SPATA13: variants seen among roughly 807,000 people sequenced by gnomAD.
The protein encoded by SPATA13 is spermatogenesis-associated protein 13.
SPATA13 carries 50 observed loss-of-function variants against 104.0 expected under a neutral mutation model. The ratio of observed to expected loss-of-function variants is 0.48; its 90% CI spans 0.38 to 0.61. The LOEUF (loss-of-function observed/expected upper bound fraction) is 0.61. Among genes scored for constraint, SPATA13 ranks in the 20% least tolerant of loss-of-function variants. SPATA13 has a pLI of 0.00. For missense variants in SPATA13, 1,524 were observed against 1,690.6 expected (o/e 0.90, Z 1.73); for synonymous variants, 606 against 667.5 (o/e 0.91, Z 1.42).
intron 2 of SPATA13, among the ~76,000 whole-genome samples, chr13:24,236,754 A>G (rs1399182592): frequency 1.3e-5 from 2 of 152,198 alleles, no homozygotes; most frequent in Admixed American, 6.5e-5. Context: ...GTTCACAAAG[A>G]TAGGGAGACA....
At chr13:24,017,644 C>G (rs1391994683) in intron 2 of SPATA13, 2 of 985,106 alleles carry the variant, frequency 2.0e-6, no homozygotes, top group East Asian at 2.3e-4. Flanking sequence ...TGCACTAAAA[C>G]AACTCATTTT....
At chr13:24,101,052 C>A (rs1411245687) in intron 3 of SPATA13, among the ~76,000 whole-genome samples, 1 of 152,084 alleles carries the variant, frequency 6.6e-6, no homozygotes, top group East Asian at 1.9e-4. Context: ...GCAACAGCAA[C>A]CTGGTGGACA....
intron 3 of SPATA13, among the ~76,000 whole-genome samples, chr13:24,132,905 G>T (rs1341022578): frequency 6.6e-6 from 1 of 152,162 alleles, no homozygotes; most frequent in African/African-American, 2.4e-5. Context: ...AACCTGGGGG[G>T]TGGAGATTGC....
intron 3 of SPATA13, among the ~76,000 whole-genome samples, chr13:24,117,943 G>A (rs1880905421): frequency 6.6e-6 from 1 of 152,102 alleles, no homozygotes; most frequent in Non-Finnish European, 1.5e-5. Context: ...ACATTGTAAC[G>A]ATTATTTCAC....
intron 4 of SPATA13, among the ~76,000 whole-genome samples, chr13:24,276,027 G>A (rs150004294): frequency 5.9e-5 from 9 of 152,266 alleles, no homozygotes; most frequent in African/African-American, 2.2e-4. Flanking sequence ...GAACTGTTGC[G>A]CACTGTTGGT....
At chr13:24,083,502 G>C (rs181929031) in intron 3 of SPATA13, among the ~76,000 whole-genome samples, 1 of 152,196 alleles carries the variant, frequency 6.6e-6, no homozygotes, top group African/African-American at 2.4e-5. Context: ...CGGAGCTTGC[G>C]GGGAGAATGG....
chr13:24,057,326 C>A (rs1878602000), intron 3 of SPATA13, among the ~76,000 whole-genome samples: 1 of 152,012 alleles, frequency 6.6e-6, no homozygotes, highest in Non-Finnish European at 1.5e-5. Flanking sequence ...TTTGCACTCC[C>A]ACTGCAGCTG....
At chr13:24,200,549 G>T (rs1428944836) in intron 1 of SPATA13, among the ~76,000 whole-genome samples, 1 of 151,858 alleles carries the variant, frequency 6.6e-6, no homozygotes, top group Non-Finnish European at 1.5e-5. Flanking sequence ...TCTGACTTCG[G>T]GGATTATCAC....
At chr13:23,993,160 G>T (rs930511175) in intron 2 of SPATA13, among the ~76,000 whole-genome samples, 12 of 152,214 alleles carry the variant, frequency 7.9e-5, no homozygotes, top group African/African-American at 2.9e-4. Context: ...GTCGTGGACA[G>T]AGTGTCCCAA....
intron 3 of SPATA13, among the ~76,000 whole-genome samples, chr13:24,076,313 G>T (rs554900284): frequency 6.6e-6 from 1 of 152,246 alleles, no homozygotes; most frequent in Non-Finnish European, 1.5e-5. Context: ...CCAGGTTATA[G>T]CCCCGTGCCT....
intron 3 of SPATA13, among the ~76,000 whole-genome samples, chr13:24,143,887 C>T (rs1881844800): frequency 6.6e-6 from 1 of 152,194 alleles, no homozygotes; most frequent in East Asian, 1.9e-4. Context: ...CCAAGTTATT[C>T]TTCTAATGTC....
chr13:24,089,334 T>C (rs1419526528), intron 3 of SPATA13, among the ~76,000 whole-genome samples: 1 of 152,180 alleles, frequency 6.6e-6, no homozygotes, highest in Non-Finnish European at 1.5e-5. Flanking sequence ...TCGGACCACA[T>C]TCTCACAACA....
intron 3 of SPATA13, among the ~76,000 whole-genome samples, chr13:24,038,962 C>T (rs1877817542): frequency 6.6e-6 from 1 of 152,200 alleles, no homozygotes; most frequent in Non-Finnish European, 1.5e-5. Context: ...ACAGGCAGCC[C>T]TGTGACACAG....
chr13:24,110,648 C>A (rs547131430), intron 3 of SPATA13, among the ~76,000 whole-genome samples: 56 of 152,294 alleles, frequency 3.7e-4, no homozygotes, highest in Non-Finnish European at 1.2e-4. Context: ...AGACACTGGG[C>A]TAGATCCTGC....
chr13:24,172,548 A>T (rs1593379509), intron 1 of SPATA13, among the ~76,000 whole-genome samples: 1 of 152,212 alleles, frequency 6.6e-6, no homozygotes, highest in African/African-American at 2.4e-5. Context: ...CATGAGATTT[A>T]GGTCAGTGTT....
intron 3 of SPATA13, among the ~76,000 whole-genome samples, chr13:24,120,852 G>C (rs1216681604): frequency 6.6e-6 from 1 of 152,184 alleles, no homozygotes; most frequent in African/African-American, 2.4e-5. Context: ...CATGGTTGGA[G>C]GGAAAAGTAC....
At chr13:24,246,751 T>C (rs749892416) in intron 2 of SPATA13, among the ~76,000 whole-genome samples, 4 of 151,992 alleles carry the variant, frequency 2.6e-5, no homozygotes, top group Non-Finnish European at 5.9e-5. Flanking sequence ...TAATCCCAGC[T>C]ACTCAAGAGG....
At chr13:24,182,864 G>A (rs1024661039) in intron 1 of SPATA13, among the ~76,000 whole-genome samples, 3 of 152,136 alleles carry the variant, frequency 2.0e-5, no homozygotes, top group African/African-American at 2.4e-5. Flanking sequence ...AGTCGGGCCA[G>A]GTAAACAAAG....
chr13:24,157,142 T>C (rs1452152874), upstream of SPATA13, among the ~76,000 whole-genome samples: 1 of 152,208 alleles, frequency 6.6e-6, no homozygotes, highest in Non-Finnish European at 1.5e-5. Context: ...ATCCAGACAC[T>C]GACCGCAGAT....
Sources: gnomAD v4.1 joint callset for allele counts (sites outside exome capture counted in the v4.1 genomes callset) on GRCh38, gnomAD v4.1.1 for gene constraint, MANE v1.5 for transcripts, NCBI Gene and HGNC (gene_info 2026-07-23, HGNC 2026-07-21) for gene names.